The following OR2A25 variants were observed in gnomAD, a reference collection of about 807,000 sequenced individuals.
The protein encoded by OR2A25 is olfactory receptor family 2 subfamily A member 25.
For missense variants in OR2A25, 362 were observed against 368.3 expected, an observed-to-expected ratio of 0.98 and a Z score of 0.14; for synonymous variants, 162 against 148.1, an observed-to-expected ratio of 1.09 and a Z score of -0.68.
chr7:144,074,676 T>C lies in OR2A25; in HGVS notation c.457T>C (p.Leu153=). 1 of 1,614,216 alleles carries C rather than the reference T, an allele frequency of 6.2e-7. No homozygotes were observed. Reference sequence around the variant, plus strand: ...ATTGACTTCCTGGATTTTAGGAGTCTTATTGGCCCTTGTCCATCTAGTGTT... The same window carrying C: ...ATTGACTTCCTGGATTTTAGGAGTCCTATTGGCCCTTGTCCATCTAGTGTT... ...LALTSWILGV[L]LALVHLVLLL... Residue 153 remains leucine, a synonymous_variant, in exon 2 of 2, where the codon TTA becomes CTA. Transcript: ENST00000641663.
intron 1 of OR2A25, among the ~76,000 whole-genome samples, chr7:144,072,906 C>T (rs1476607603): frequency 6.6e-6 from 1 of 152,018 alleles, no homozygotes. Flanking sequence ...ATTATTCAGC[C>T]ATGTAAAAGA....
chr7:144,074,463 G>C lies in OR2A25; in HGVS notation c.244G>C (p.Val82Leu). 1.9e-6 allele frequency: 3 copies of C among 1,614,158 alleles called. No homozygotes were observed. Among genetic ancestry groups the C allele is most frequent in the Non-Finnish European group, 2.5e-6 (3 of 1,180,008 alleles). Residue 82 changes from valine to leucine, a missense_variant, in exon 2 of 2, where the codon GTG (valine) becomes CTG (leucine). Coordinates refer to ENST00000641663, the MANE Select transcript of OR2A25 (RefSeq NM_001386096.1). ...CACSTVPQML[V>L]NLLHPAKPIS... ...TTGCAGCACGGTGCCCCAGATGCTG[G>C]TGAACCTCCTGCATCCAGCCAAGCC...
rs756605755 is a variant in OR2A25, at chr7:144,074,430, G to A, written c.211G>A (p.Ala71Thr). 15 of 1,614,040 alleles carry A rather than the reference G, an allele frequency of 9.3e-6. No homozygotes were observed. The South Asian group carries it at 1.1e-4, about 12-fold the overall frequency. ...CTCACACCTGGCGGTCGTCGACATC[G>A]CCTGTGCTTGCAGCACGGTGCCCCA... ...FLSHLAVVDIACACSTVPQML... is the reference protein window; with the variant it reads ...FLSHLAVVDITCACSTVPQML... Residue 71 changes from alanine to threonine, a missense_variant, in exon 2 of 2, where the codon GCC (alanine) becomes ACC (threonine). By Grantham distance (58) the Ala-to-Thr change is moderately conservative. Transcript: ENST00000641663.
In OR2A25 at chr7:144,074,424, G is replaced by A. The variant is rs757511266; in HGVS notation, c.205G>A (p.Asp69Asn). The change falls in exon 2 of 2, where the codon GAC becomes AAC. Residue 69 changes from aspartate (D) to asparagine (N), a missense_variant. Transcript: ENST00000641663. ...YFFLSHLAVV[D>N]IACACSTVPQ... ...CTTCCTCTCACACCTGGCGGTCGTC[G>A]ACATCGCCTGTGCTTGCAGCACGGT... 2.5e-6 allele frequency: 4 copies of A among 1,614,018 alleles called. No individual in the cohort carries two copies. The highest frequency in any genetic ancestry group is 3.4e-6 in the Non-Finnish European group (4 of 1,180,044).
At chr7:144,073,165 T>C (rs1478276594) in intron 1 of OR2A25, among the ~76,000 whole-genome samples, 1 of 152,106 alleles carries the variant, frequency 6.6e-6, no homozygotes, top group Non-Finnish European at 1.5e-5. Context: ...TAAGACCTAG[T>C]GTTCAATGGA....
chr7:144,070,681 T>C (rs2051059104), intron 1 of OR2A25, among the ~76,000 whole-genome samples: 1 of 152,066 alleles, frequency 6.6e-6, no homozygotes, highest in Non-Finnish European at 1.5e-5. Context: ...AGTGGTTTTA[T>C]AGAACAATGG....
Position 144,075,228 on chromosome 7 carries a change from A to C in OR2A25, c.*76A>C. 2.0e-6 allele frequency: 2 copies of C among 1,010,890 alleles called. No individual in the cohort carries two copies. Among genetic ancestry groups the C allele is most frequent in the East Asian group, 4.8e-5 (2 of 41,900 alleles). 62.6% of individuals were successfully genotyped at this position (1,010,890 alleles called of 1,614,324 possible). A position where few individuals can be genotyped will look rare whatever the true frequency, so the allele number is the denominator to read the frequency against. Reference sequence around the variant, plus strand: ...ATCTGAACCCATCCCTACTCAGGATACATAATCACACTCTAGAGAACCCTT... The same window carrying C: ...ATCTGAACCCATCCCTACTCAGGATCCATAATCACACTCTAGAGAACCCTT... On this transcript the variant is annotated 3_prime_UTR_variant, in exon 2 of 2. Coordinates refer to ENST00000641663, the MANE Select transcript of OR2A25 (RefSeq NM_001386096.1).
Position 144,074,578 on chromosome 7 carries a change from A to G in OR2A25, c.359A>G (p.Asp120Gly). The stretch of plus-strand genomic sequence containing the variant: ...CTCCTCCTGGTGGTGATGTCCTATG[A>G]TCGGTACGTGGCCATCTGCCACCCT... ...ECLLLVVMSY[D>G]RYVAICHPLR... is the part of the protein sequence containing the mutation. Residue 120 changes from aspartate to glycine, a missense_variant, in exon 2 of 2, where the codon GAT becomes GGT. Physicochemically the swap from Asp to Gly is moderately conservative, Grantham distance 94. Coordinates refer to ENST00000641663, the MANE Select transcript of OR2A25 (RefSeq NM_001386096.1). The G allele has an allele frequency of 6.2e-7, 1 of 1,614,146 alleles. No homozygotes were observed. The highest frequency in any genetic ancestry group is 8.5e-7 in the Non-Finnish European group (1 of 1,180,030).
In OR2A25 at chr7:144,074,617, C is replaced by T. The variant is rs1355753105; in HGVS notation, c.398C>T (p.Thr133Ile). 1.2e-6 allele frequency: 2 copies of T among 1,614,200 alleles called. No individual in the cohort carries two copies. The highest frequency in any genetic ancestry group is 4.5e-5 in the East Asian group (2 of 44,882). The change falls in exon 2 of 2, where the codon ACC becomes ATC. Residue 133 changes from threonine to isoleucine, a missense_variant. Physicochemically the swap from Thr to Ile is moderately conservative, Grantham distance 89. Transcript: ENST00000641663. ...VAICHPLRYS[T>I]IMTWKVCITL... ...ATCTGCCACCCTCTCCGATATTCTA[C>T]CATCATGACCTGGAAAGTCTGCATC...
chr7:144,070,186 G>A lies in OR2A25; in HGVS notation c.-5+290G>A, dbSNP rs1320967381. 5.9e-5 allele frequency: 9 copies of A among 152,070 alleles called. No individual in the cohort carries two copies. The East Asian group carries it at 1.5e-3, about 26-fold the overall frequency. 9.4% of individuals were successfully genotyped at this position (152,070 alleles called of 1,614,324 possible). Reference sequence around the variant, plus strand: ...CAACACACTTTCATAGCATACTGAGGCATGGTTGATCTAAGCAGAGAATAA... The same window carrying A: ...CAACACACTTTCATAGCATACTGAGACATGGTTGATCTAAGCAGAGAATAA... On this transcript the variant is annotated intron_variant, in intron 1 of 1. Coordinates refer to ENST00000641663, the MANE Select transcript of OR2A25 (RefSeq NM_001386096.1).
At chr7:144,073,213 T>G (rs2051080539) in intron 1 of OR2A25, among the ~76,000 whole-genome samples, 1 of 152,148 alleles carries the variant, frequency 6.6e-6, no homozygotes, top group South Asian at 2.1e-4. Context: ...ATCTATTGTA[T>G]ATTTCAAAAT....
chr7:144,074,261 G>A lies in OR2A25; in HGVS notation c.42G>A (p.Leu14=). Residue 14 remains leucine, a synonymous_variant, in exon 2 of 2, where the codon CTG becomes CTA. Transcript: ENST00000641663. ...NQTSITEFLL[L]GFPIGPRIQM... ...CTTCCATCACAGAGTTCCTCCTACT[G>A]GGATTTCCCATTGGCCCAAGGATTC... is the stretch of plus-strand genomic sequence containing the variant. The A allele has an allele frequency of 6.2e-7, 1 of 1,613,910 alleles. No homozygotes were observed. The highest frequency in any genetic ancestry group is 1.3e-5 in the African/African-American group (1 of 75,022).
In OR2A25 at chr7:144,074,471, C is replaced by A. The variant is rs2051093157; in HGVS notation, c.252C>A (p.Leu84=). The part of the protein sequence containing the change: ...CSTVPQMLVN[L]LHPAKPISFA... ...CGGTGCCCCAGATGCTGGTGAACCT[C>A]CTGCATCCAGCCAAGCCCATCTCCT... is the stretch of plus-strand genomic sequence containing the variant. The change falls in exon 2 of 2, where the codon CTC becomes CTA. Residue 84 remains leucine, a synonymous_variant. Coordinates refer to ENST00000641663, the MANE Select transcript of OR2A25 (RefSeq NM_001386096.1). The A allele has an allele frequency of 6.2e-7, 1 of 1,614,214 alleles. No homozygotes were observed. Among genetic ancestry groups the A allele is most frequent in the Non-Finnish European group, 8.5e-7 (1 of 1,180,034 alleles).
intron 1 of OR2A25, 25 bp from the exon 2 acceptor site, chr7:144,074,191 G>C: frequency 1.9e-6 from 3 of 1,595,522 alleles, no homozygotes; most frequent in South Asian, 1.1e-5. Context: ...ATTCAGACTT[G>C]GTGAGCTCCT....
At chr7:144,073,796 T>C (rs2051085208) in intron 1 of OR2A25, among the ~76,000 whole-genome samples, 3 of 152,186 alleles carry the variant, frequency 2.0e-5, no homozygotes, top group Non-Finnish European at 4.4e-5. Flanking sequence ...TCATCCCTCT[T>C]TCTATCCTTA....
At position 144,075,112 on chromosome 7, in the gene OR2A25, G is replaced by A. The variant is rs150935125; in HGVS notation, c.893G>A (p.Gly298Asp). The A allele has an allele frequency of 3.7e-6, 6 of 1,612,220 alleles. No homozygotes were observed. The highest frequency in any genetic ancestry group is 3.4e-5 in the Admixed American group (2 of 59,658). Residue 298 changes from glycine to aspartate, a missense_variant, in exon 2 of 2, where the codon GGT (glycine) becomes GAT (aspartate). By Grantham distance (94) the Gly-to-Asp change is moderately conservative (BLOSUM62 -1). Transcript: ENST00000641663. Reference protein sequence around the residue: ...IYSLRNKEVQGTLKRMLEKKR... With the variant: ...IYSLRNKEVQDTLKRMLEKKR... ...AGTCTTAGGAACAAGGAAGTCCAAG[G>A]TACTCTAAAGAGGATGCTTGAAAAG...
At chr7:144,072,896 A>G (rs1424138099) in intron 1 of OR2A25, among the ~76,000 whole-genome samples, 3 of 152,196 alleles carry the variant, frequency 2.0e-5, no homozygotes, top group Non-Finnish European at 4.4e-5. Context: ...ACAATGGTAT[A>G]TTATTCAGCC....
At chr7:144,072,119 A>G (rs921408979) in intron 1 of OR2A25, among the ~76,000 whole-genome samples, 15 of 152,216 alleles carry the variant, frequency 9.9e-5, no homozygotes, top group East Asian at 9.6e-4. Flanking sequence ...AGCAAAACTT[A>G]TCTACCTTTG....
chr7:144,074,930 C>T lies in OR2A25; in HGVS notation c.711C>T (p.Phe237=), dbSNP rs762198161. 2.5e-5 allele frequency: 40 copies of T among 1,614,136 alleles called. No homozygotes were observed. The highest frequency in any genetic ancestry group is 3.3e-5 in the Non-Finnish European group (39 of 1,180,024). ...IQSGEGCQKA[F]SICSSHLCVV... ...CAGGAGAGGGGTGCCAGAAAGCCTT[C>T]TCCATCTGCTCCTCCCACCTCTGTG... Residue 237 remains phenylalanine, a synonymous_variant, in exon 2 of 2, where the codon TTC becomes TTT. Transcript: ENST00000641663.
Sources: gnomAD v4.1 joint callset for allele counts (sites outside exome capture counted in the v4.1 genomes callset) on GRCh38, gnomAD v4.1.1 for gene constraint, MANE v1.5 for transcripts, NCBI Gene and HGNC (gene_info 2026-07-23, HGNC 2026-07-21) for gene names.